Variants in PLXNC1 observed in about 807,000 individuals in gnomAD.
PLXNC1 encodes plexin C1, also known as plexin-C1.
Under a neutral mutation model 178.2 loss-of-function variants are expected in PLXNC1, and 75 were observed. That is an observed-to-expected ratio of 0.42 (90% CI 0.35 to 0.51). The LOEUF is 0.51. Among genes scored for constraint, PLXNC1 ranks in the 20% least tolerant of loss-of-function variants. The pLI is 0.02. For synonymous variants in PLXNC1, 790 were observed against 779.9 expected (o/e 1.01, Z -0.22); for missense variants, 1,503 against 1,984.4 (o/e 0.76, Z 4.61).
At chr12:94,243,021 G>C (rs923474839) in intron 11 of PLXNC1, among the ~76,000 whole-genome samples, 14 of 152,260 alleles carry the variant, frequency 9.2e-5, no homozygotes, top group Non-Finnish European at 1.8e-4. Flanking sequence ...ACTGTGCCTT[G>C]AGCAAGAATG....
chr12:94,277,816 C>T (rs1880936), intron 21 of PLXNC1: 45,288 of 387,528 alleles, frequency 0.12, 3,020 homozygotes, highest in Admixed American at 0.18. Flanking sequence ...AGCCTGGCCC[C>T]GTGCTAAGCC....
At chr12:94,186,686 T>C (rs931257542) in intron 4 of PLXNC1, 2 of 490,742 alleles carry the variant, frequency 4.1e-6, no homozygotes, top group Non-Finnish European at 7.5e-6. Flanking sequence ...AGCTCCCCAG[T>C]CTCGGGGCGG....
Position 94,306,271 on chromosome 12 carries a change from C to CACTGGAGTATTATATA in PLXNC1, c.*987_*1002dup, listed in dbSNP as rs1565879879. 3 of 151,332 alleles carry CACTGGAGTATTATATA rather than the reference C, an allele frequency of 2.0e-5. No homozygotes were observed. The highest frequency in any genetic ancestry group is 6.6e-5 in the Admixed American group (1 of 15,182). 9.4% of individuals were successfully genotyped at this position (151,332 alleles called of 1,614,324 possible). On this transcript the variant is annotated 3_prime_UTR_variant, in exon 31 of 31. Coordinates refer to ENST00000258526, the MANE Select transcript of PLXNC1 (RefSeq NM_005761.3). ...TTACATTTTATCGAATTGCTGTTCA[C>CACTGGAGTATTATATA]ACTGGAGTATTATATATAAATATAT... is the stretch of plus-strand genomic sequence containing the variant.
In PLXNC1 at chr12:94,306,384, G is replaced by GAGAA. The variant is rs1403947199; in HGVS notation, c.*1104_*1107dup. The GAGAA allele has an allele frequency of 3.9e-5, 6 of 152,098 alleles. No homozygotes were observed. The highest frequency in any genetic ancestry group is 1.4e-4 in the African/African-American group (6 of 41,436). The allele number at this position is 152,098 out of a possible 1,614,324, so 9.4% of individuals were successfully genotyped here. A position where few individuals can be genotyped will look rare whatever the true frequency, so the allele number is the denominator to read the frequency against. ...TACTTTTTGAAAGTATTCCTCGCAG[G>GAGAA]AGAAAGAATTTAAAATACCCATTTT... is the stretch of plus-strand genomic sequence containing the variant. On this transcript the variant is annotated 3_prime_UTR_variant, in exon 31 of 31. Coordinates refer to ENST00000258526, the MANE Select transcript of PLXNC1 (RefSeq NM_005761.3).
intron 23 of PLXNC1, 110 bp from the exon 24 acceptor site, chr12:94,294,371 TATTTG>T (rs1477969020): frequency 5.1e-6 from 3 of 588,224 alleles, no homozygotes; most frequent in Non-Finnish European, 9.5e-6. Flanking sequence ...TCTTGATAAA[TATTTG>T]ATTTAATAAG....
chr12:94,149,443 C>T lies in PLXNC1; in HGVS notation c.472C>T (p.Pro158Ser), dbSNP rs1203408769. ...RNGTEVVSCH[P>S]QGSTAGVVYR... ...CGGCACCGAGGTGGTGTCGTGCCAC[C>T]CGCAGGGCTCGACGGCCGGCGTGGT... The change falls in exon 1 of 31, where the codon CCG (proline) becomes TCG (serine). Residue 158 changes from proline (P) to serine (S), a missense_variant. By Grantham distance (74) the Pro-to-Ser change is moderately conservative. Transcript: ENST00000258526. 7 of 1,462,876 alleles carry T rather than the reference C, an allele frequency of 4.8e-6. No individual in the cohort carries two copies. Among genetic ancestry groups the T allele is most frequent in the African/African-American group, 1.5e-5 (1 of 68,898 alleles). 90.6% of individuals were successfully genotyped at this position (1,462,876 alleles called of 1,614,324 possible). A position where few individuals can be genotyped will look rare whatever the true frequency, so the allele number is the denominator to read the frequency against.
intron 9 of PLXNC1, among the ~76,000 whole-genome samples, chr12:94,234,156 T>G (rs1964180470): frequency 6.6e-6 from 1 of 152,120 alleles, no homozygotes; most frequent in South Asian, 2.1e-4. Context: ...TTTAACAGAT[T>G]AATAGAGTAC....
In PLXNC1 at chr12:94,260,774, C is replaced by T. The variant is rs760102498; in HGVS notation, c.3384C>T (p.Arg1128=). Residue 1128 remains arginine, a synonymous_variant, in exon 20 of 31, where the codon CGC becomes CGT. Transcript: ENST00000258526. The surrounding 1 kb of genome is among the most constrained non-coding windows in gnomAD (Gnocchi z 4.4). ...SNMQPKLMLR[R]TESVVEKLLT... ...TGCAGCCGAAACTCATGCTGAGACGCACGGAGTCCGTCGTCGAAAAACTCC... is the reference window on the plus strand; with the variant it reads ...TGCAGCCGAAACTCATGCTGAGACGTACGGAGTCCGTCGTCGAAAAACTCC... The T allele has an allele frequency of 1.9e-6, 3 of 1,614,180 alleles. No homozygotes were observed. The highest frequency in any genetic ancestry group is 2.5e-6 in the Non-Finnish European group (3 of 1,180,018).
chr12:94,278,024 G>A (rs1408955585), intron 21 of PLXNC1: 1 of 456,028 alleles, frequency 2.2e-6, no homozygotes, highest in East Asian at 6.9e-5. Flanking sequence ...AGTGTCCACA[G>A]TACTTGGGGA....
chr12:94,155,642 T>G (rs190796658), intron 1 of PLXNC1, among the ~76,000 whole-genome samples: 103 of 152,366 alleles, frequency 6.8e-4, no homozygotes, highest in Middle Eastern at 3.4e-3. Flanking sequence ...TTGCCATTTT[T>G]GGGCTTAGAG....
Position 94,220,021 on chromosome 12 carries a change from A to G in PLXNC1, c.1560A>G (p.Thr520=), listed in dbSNP as rs1447363227. Residue 520 remains threonine (T), a synonymous_variant, in exon 6 of 31, where the codon ACA becomes ACG. Coordinates refer to ENST00000258526, the MANE Select transcript of PLXNC1 (RefSeq NM_005761.3). Reference sequence around the variant, plus strand: ...CCCATATCTTCCCCGCACAGACTACAGTGACTATGGTGGGAAGCTTCTCTC... The same window carrying G: ...CCCATATCTTCCCCGCACAGACTACGGTGACTATGGTGGGAAGCTTCTCTC... The part of the protein sequence containing the change: ...QIIRSSKEKT[T]VTMVGSFSPR... The G allele has an allele frequency of 6.2e-7, 1 of 1,613,850 alleles. No homozygotes were observed. Among genetic ancestry groups the G allele is most frequent in the Non-Finnish European group, 8.5e-7 (1 of 1,179,848 alleles).
rs938560080 is a variant in PLXNC1 at position 94,206,297 on chromosome 12, G to A, written c.1440-3293G>A. ...ATCTGTTGGGGGTGAGGGAGGGGGC[G>A]GTTACATACTTATATAGTTGAATGC... On this transcript the variant is annotated intron_variant, in intron 4 of 30. Coordinates refer to ENST00000258526, the MANE Select transcript of PLXNC1 (RefSeq NM_005761.3). Among the ~76,000 whole-genome samples the A allele has an allele frequency of 2.6e-5, 4 of 151,322 alleles. No homozygotes were observed. In the South Asian group the frequency reaches 6.3e-4, roughly 24 times the overall value.
chr12:94,234,614 C>T lies in PLXNC1; in HGVS notation c.1981-3050C>T, dbSNP rs60205189. Among the ~76,000 whole-genome samples the T allele has an allele frequency of 2.9e-3, 434 of 152,246 alleles. 1 individual carries two copies. Among genetic ancestry groups the T allele is most frequent in the African/African-American group, 9.7e-3 (404 of 41,532 alleles). Reference sequence around the variant, plus strand: ...ATTGCTGGACAACATAGGGCTGTGACGGTTATAGTCAACGGTATTTTGATT... The same window carrying T: ...ATTGCTGGACAACATAGGGCTGTGATGGTTATAGTCAACGGTATTTTGATT... On this transcript the variant is annotated intron_variant, in intron 9 of 30. Transcript: ENST00000258526.
At chr12:94,189,106 G>T (rs898535988) in intron 4 of PLXNC1, among the ~76,000 whole-genome samples, 1 of 152,234 alleles carries the variant, frequency 6.6e-6, no homozygotes, top group African/African-American at 2.4e-5. Context: ...TGTAAGCATG[G>T]TTTTGTCTTT....
intron 9 of PLXNC1, among the ~76,000 whole-genome samples, chr12:94,234,421 A>G (rs1362623382): frequency 6.6e-6 from 1 of 152,224 alleles, no homozygotes; most frequent in South Asian, 2.1e-4. Flanking sequence ...CGGGTATTCT[A>G]TAAATCTCCT....
chr12:94,170,636 G>A (rs1273018255), intron 2 of PLXNC1, among the ~76,000 whole-genome samples: 1 of 152,078 alleles, frequency 6.6e-6, no homozygotes, highest in East Asian at 1.9e-4. Context: ...TTTCACTGGT[G>A]TCTGTCTTGC....
At chr12:94,175,496 A>G (rs1033293363) in intron 2 of PLXNC1, among the ~76,000 whole-genome samples, 1 of 152,082 alleles carries the variant, frequency 6.6e-6, no homozygotes, top group Admixed American at 6.5e-5. Flanking sequence ...TGGTGTTGAA[A>G]TCTCCACTCA....
At chr12:94,155,933 CAGAA>C (rs1961151274) in intron 1 of PLXNC1, among the ~76,000 whole-genome samples, 1 of 152,134 alleles carries the variant, frequency 6.6e-6, no homozygotes, top group African/African-American at 2.4e-5. Context: ...ATATTGTGGA[CAGAA>C]ACACATGGAA....
At chr12:94,230,141 C>T (rs997551338) in intron 9 of PLXNC1, among the ~76,000 whole-genome samples, 4 of 152,216 alleles carry the variant, frequency 2.6e-5, no homozygotes, top group Non-Finnish European at 5.9e-5. Flanking sequence ...CCACTGACCT[C>T]AGCTCCATTT....
Sources: allele counts gnomAD v4.1 joint callset (sites outside exome capture counted in the v4.1 genomes callset), GRCh38; gene constraint gnomAD v4.1.1; non-coding constraint Gnocchi (gnomAD v3.1); transcripts MANE v1.5; gene names NCBI Gene and HGNC (gene_info 2026-07-23, HGNC 2026-07-21).